FAM13A: variants seen among roughly 807,000 people sequenced by gnomAD.
The protein encoded by FAM13A is protein FAM13A.
Under a neutral mutation model 129.6 loss-of-function variants are expected in FAM13A, and 76 were observed. The ratio of observed to expected loss-of-function variants is 0.59; its 90% CI spans 0.49 to 0.71. The LOEUF is 0.71. Among genes scored for constraint, FAM13A ranks in the 30% least tolerant of loss-of-function variants. The pLI is 0.00. For synonymous variants in FAM13A, 443 were observed against 449.9 expected, an observed-to-expected ratio of 0.98 and a Z score of 0.20; for missense variants, 1,108 against 1,249.3, an observed-to-expected ratio of 0.89 and a Z score of 1.70.
In FAM13A at chr4:89,020,571, T is replaced by C; in HGVS notation, c.316A>G (p.Lys106Glu). ...GCTGCTGAGCAGACATCACCGTCCT[T>C]CCCGAGCTCCACGGGCACTCCACTC... ...FESGVPVELG[K>E]DGDVCSAASL... The change falls in exon 3 of 24, where the codon AAG becomes GAG. Residue 106 changes from lysine to glutamate, a missense_variant. Around this residue, in one of 3 missense-constraint regions of FAM13A, gnomAD observed 566 missense variants for 595.7 expected, o/e 0.95. Coordinates refer to ENST00000264344, the MANE Select transcript of FAM13A (RefSeq NM_014883.4). 6.2e-7 allele frequency: 1 copy of C among 1,614,130 alleles called. No individual in the cohort carries two copies.
At position 89,020,681 on chromosome 4, in the gene FAM13A, A is replaced by T; in HGVS notation, c.218-12T>A. The T allele has an allele frequency of 6.3e-7, 1 of 1,581,148 alleles. No homozygotes were observed. The highest frequency in any genetic ancestry group is 8.7e-7 in the Non-Finnish European group (1 of 1,149,970). ...TTCTTGGGTAAGTCCTGGAAGAGCA[A>T]AGTAGGCACAGAAAATAAATAGGTT... On this transcript the variant is annotated splice_polypyrimidine_tract_variant and intron_variant, in intron 2 of 23. Transcript: ENST00000264344.
chr4:88,781,227 G>A lies in FAM13A; in HGVS notation c.1396C>T (p.Pro466Ser). The A allele has an allele frequency of 1.9e-6, 3 of 1,612,410 alleles. No individual in the cohort carries two copies. The highest frequency in any genetic ancestry group is 2.5e-6 in the Non-Finnish European group (3 of 1,179,152). The change falls in exon 11 of 24, where the codon CCT becomes TCT. Residue 466 changes from proline (P) to serine (S), a missense_variant. Around this residue, in one of 3 missense-constraint regions of FAM13A, gnomAD observed 566 missense variants for 595.7 expected, o/e 0.95. Coordinates refer to ENST00000264344, the MANE Select transcript of FAM13A (RefSeq NM_014883.4). The part of the protein sequence containing the change: ...TFGCAGERSK[P>S]KRQKSSTKLS... ...TTAGTACTGGATTTCTGACGTTTAG[G>A]CTTGCTCCTTTCTCCAGCACAACCA... is the stretch of plus-strand genomic sequence containing the variant.
chr4:88,870,239 G>C (rs1423512395), intron 6 of FAM13A, among the ~76,000 whole-genome samples: 1 of 152,300 alleles, frequency 6.6e-6, no homozygotes, highest in Admixed American at 6.5e-5. Flanking sequence ...GGTGATTTCT[G>C]CATTTCCAAC....
At chr4:89,026,284 C>T (rs555311244) in intron 2 of FAM13A, among the ~76,000 whole-genome samples, 5 of 152,192 alleles carry the variant, frequency 3.3e-5, no homozygotes, top group Non-Finnish European at 7.3e-5. Flanking sequence ...AAACTTCCAT[C>T]TTCCTGTCAT....
intron 10 of FAM13A, among the ~76,000 whole-genome samples, chr4:88,782,953 A>G (rs1380475253): frequency 1.3e-5 from 2 of 152,020 alleles, no homozygotes; most frequent in African/African-American, 4.8e-5. Flanking sequence ...TAGTTTTCCT[A>G]GCCTTTTTTT....
chr4:89,043,415 G>A (rs746194318), intron 1 of FAM13A, among the ~76,000 whole-genome samples: 4 of 152,040 alleles, frequency 2.6e-5, no homozygotes, highest in African/African-American at 9.7e-5. Context: ...TAAGAAAACA[G>A]TCATTTTTGT....
chr4:88,807,158 G>A (rs953757795), intron 7 of FAM13A, among the ~76,000 whole-genome samples: 1 of 152,146 alleles, frequency 6.6e-6, no homozygotes, highest in Non-Finnish European at 1.5e-5. Flanking sequence ...ATTCTTTGAT[G>A]TGCATTCAAT....
intron 4 of FAM13A, among the ~76,000 whole-genome samples, chr4:88,972,859 T>C (rs4437212): frequency 0.69 from 105,369 of 152,054 alleles, 36,632 homozygotes; most frequent in Middle Eastern, 0.8. Context: ...CCACCTGCCT[T>C]GACCTCCCAA....
chr4:88,915,267 A>G (rs1437371734), intron 5 of FAM13A, among the ~76,000 whole-genome samples: 1 of 152,218 alleles, frequency 6.6e-6, no homozygotes, highest in Non-Finnish European at 1.5e-5. Context: ...TGACAGAAAA[A>G]AGTAGATTTT....
intron 3 of FAM13A, among the ~76,000 whole-genome samples, chr4:89,020,201 C>T (rs77732870): frequency 2.7e-5 from 4 of 150,704 alleles, no homozygotes; most frequent in African/African-American, 9.8e-5. Context: ...ATGGAAAGAC[C>T]ACAAATATTT....
At chr4:88,765,325 GGAAAACAAAATT>G (rs1745538576) in intron 13 of FAM13A, among the ~76,000 whole-genome samples, 2 of 152,096 alleles carry the variant, frequency 1.3e-5, no homozygotes, top group South Asian at 4.1e-4. Flanking sequence ...CTGTCTTAAC[GGAAAACAAAATT>G]AGAAATATTA....
intron 6 of FAM13A, among the ~76,000 whole-genome samples, chr4:88,863,252 T>G (rs1313977581): frequency 6.6e-6 from 1 of 152,126 alleles, no homozygotes; most frequent in African/African-American, 2.4e-5. Flanking sequence ...GACCAATGCT[T>G]TAATTAATCG....
chr4:88,891,698 G>C (rs1290474690), intron 6 of FAM13A, among the ~76,000 whole-genome samples: 1 of 152,066 alleles, frequency 6.6e-6, no homozygotes, highest in Middle Eastern at 3.2e-3. Flanking sequence ...GAGTAAAAGA[G>C]AAAAGCCATA....
At chr4:88,924,593 T>TA (rs1232786476) in intron 5 of FAM13A, among the ~76,000 whole-genome samples, 17 of 152,230 alleles carry the variant, frequency 1.1e-4, no homozygotes, top group African/African-American at 3.9e-4. Context: ...CCTAAAACCA[T>TA]AAAAACCCTA....
At chr4:88,751,527 G>A (rs1040861671) in intron 14 of FAM13A, among the ~76,000 whole-genome samples, 1 of 152,010 alleles carries the variant, frequency 6.6e-6, no homozygotes, top group Admixed American at 6.6e-5. Flanking sequence ...CAGTTAGAGT[G>A]AGATGCATAC....
At chr4:88,918,691 GA>G (rs1321381030) in intron 5 of FAM13A, among the ~76,000 whole-genome samples, 68 of 152,316 alleles carry the variant, frequency 4.5e-4, no homozygotes, top group Middle Eastern at 3.4e-3. Context: ...AAAATACATG[GA>G]GTGAAAATAT....
intron 6 of FAM13A, among the ~76,000 whole-genome samples, chr4:88,893,787 A>G (rs1745817454): frequency 6.7e-6 from 1 of 149,850 alleles, no homozygotes; most frequent in Admixed American, 6.8e-5. Flanking sequence ...AGATCGCGCC[A>G]CTGCACTCCA....
intron 7 of FAM13A, among the ~76,000 whole-genome samples, chr4:88,843,336 T>C (rs1736145095): frequency 1.3e-5 from 2 of 152,240 alleles, no homozygotes; most frequent in African/African-American, 2.4e-5. Context: ...CAGTCGGCTA[T>C]GATATTTGGT....
intron 3 of FAM13A, among the ~76,000 whole-genome samples, chr4:89,007,242 G>A (rs1486701700): frequency 1.3e-5 from 2 of 152,088 alleles, no homozygotes; most frequent in African/African-American, 2.4e-5. Flanking sequence ...TTAATGACTT[G>A]CCCCTAACAA....
Sources: allele counts gnomAD v4.1 joint callset (sites outside exome capture counted in the v4.1 genomes callset), GRCh38; gene constraint gnomAD v4.1.1; regional missense constraint gnomAD v4.1.1; transcripts MANE v1.5; gene names NCBI Gene and HGNC (gene_info 2026-07-23, HGNC 2026-07-21).